Variants in KCTD8 observed in about 807,000 individuals in gnomAD.
The protein encoded by KCTD8 is BTB/POZ domain-containing protein KCTD8.
Under a neutral mutation model 31.5 loss-of-function variants are expected in KCTD8, and 27 were observed. The ratio of observed to expected loss-of-function variants is 0.86; its 90% CI spans 0.63 to 1.18. The LOEUF (loss-of-function observed/expected upper bound fraction) is 1.18. KCTD8 is among the 50% of genes most tolerant of loss of function. The probability of loss-of-function intolerance (pLI) is 0.00; values close to 1 mark genes in which losing one functional copy is unlikely to be tolerated. For synonymous variants in KCTD8, 290 were observed against 280.0 expected (o/e 1.04, Z -0.36); for missense variants, 658 against 647.7 (o/e 1.02, Z -0.17).
At chr4:44,446,250 A>T (rs1721935836) in intron 1 of KCTD8, among the ~76,000 whole-genome samples, 1 of 152,178 alleles carries the variant, frequency 6.6e-6, no homozygotes. Context: ...TCCAGTCAAA[A>T]TAAAGTCCAG....
intron 1 of KCTD8, among the ~76,000 whole-genome samples, chr4:44,271,810 C>G (rs1306715031): frequency 1.3e-5 from 2 of 152,048 alleles, no homozygotes; most frequent in African/African-American, 4.8e-5. Context: ...CAATGTTTAT[C>G]ACTGGCTTGC....
chr4:44,339,139 T>C (rs1234515370), intron 1 of KCTD8, among the ~76,000 whole-genome samples: 1 of 152,190 alleles, frequency 6.6e-6, no homozygotes, highest in Non-Finnish European at 1.5e-5. Context: ...AAATTGTAAA[T>C]ATATTAACAG....
At chr4:44,442,774 T>TACACACGTATACACACACACACACAC (rs10938342) in intron 1 of KCTD8, among the ~76,000 whole-genome samples, 1 of 147,234 alleles carries the variant, frequency 6.8e-6, no homozygotes, top group South Asian at 2.2e-4. Context: ...AACTAAGGTA[T>TACACACGTATACACACACACACACAC]ACACACACAC....
At chr4:44,278,305 C>T (rs1489151669) in intron 1 of KCTD8, among the ~76,000 whole-genome samples, 1 of 151,932 alleles carries the variant, frequency 6.6e-6, no homozygotes, top group Non-Finnish European at 1.5e-5. Context: ...CACAATATGT[C>T]CCCAATAGAT....
chr4:44,261,264 T>C (rs191709874), intron 1 of KCTD8, among the ~76,000 whole-genome samples: 77 of 152,002 alleles, frequency 5.1e-4, no homozygotes, highest in Non-Finnish European at 9.7e-4. Flanking sequence ...CTTGGATGCA[T>C]TAAGTGTTAA....
chr4:44,383,405 A>C (rs534902858), intron 1 of KCTD8, among the ~76,000 whole-genome samples: 1 of 152,158 alleles, frequency 6.6e-6, no homozygotes, highest in South Asian at 2.1e-4. Context: ...ATCACACCTG[A>C]CTTGAAAATA....
At chr4:44,244,159 T>A (rs1208690009) in intron 1 of KCTD8, among the ~76,000 whole-genome samples, 1 of 152,238 alleles carries the variant, frequency 6.6e-6, no homozygotes, top group Admixed American at 6.5e-5. Context: ...CGAGGAGACA[T>A]TAACCAAATC....
chr4:44,337,838 T>C (rs1230711977), intron 1 of KCTD8, among the ~76,000 whole-genome samples: 2 of 151,922 alleles, frequency 1.3e-5, no homozygotes, highest in Admixed American at 1.3e-4. Context: ...TAAAATTATA[T>C]ATCCTGGTCA....
At chr4:44,293,847 CA>C (rs1485664144) in intron 1 of KCTD8, 34 of 445,214 alleles carry the variant, frequency 7.6e-5, no homozygotes, top group Non-Finnish European at 1.2e-4. Context: ...GAAAGCCAAT[CA>C]AAAAAAGGAT....
chr4:44,380,804 CT>C (rs1298907180), intron 1 of KCTD8, among the ~76,000 whole-genome samples: 19 of 151,846 alleles, frequency 1.3e-4, no homozygotes, highest in South Asian at 2.1e-4. Context: ...CATCATGTAT[CT>C]TTTTATAATT....
intron 1 of KCTD8, among the ~76,000 whole-genome samples, chr4:44,254,061 G>T (rs576523557): frequency 6.6e-6 from 1 of 151,926 alleles, no homozygotes; most frequent in African/African-American, 2.4e-5. Context: ...GCAACCATAA[G>T]GAAAATAGAA....
chr4:44,300,977 T>C (rs1268276739), intron 1 of KCTD8, among the ~76,000 whole-genome samples: 1 of 139,772 alleles, frequency 7.2e-6, no homozygotes, highest in Admixed American at 7.4e-5. Flanking sequence ...TTTGGTTTTT[T>C]GTCCTTGCGA....
chr4:44,365,912 T>C (rs920480948), intron 1 of KCTD8, among the ~76,000 whole-genome samples: 1 of 152,120 alleles, frequency 6.6e-6, no homozygotes, highest in African/African-American at 2.4e-5. Flanking sequence ...TGGTCACACA[T>C]TACAGTGGAT....
At chr4:44,375,500 T>A (rs1452179882) in intron 1 of KCTD8, among the ~76,000 whole-genome samples, 3 of 152,162 alleles carry the variant, frequency 2.0e-5, no homozygotes, top group African/African-American at 7.2e-5. Flanking sequence ...TCTCTGTTCC[T>A]GGTTTCTCAC....
At chr4:44,443,795 C>T (rs1721869283) in intron 1 of KCTD8, among the ~76,000 whole-genome samples, 1 of 152,024 alleles carries the variant, frequency 6.6e-6, no homozygotes, top group African/African-American at 2.4e-5. Context: ...TAGTTTTTAT[C>T]TAATGATAAT....
intron 1 of KCTD8, among the ~76,000 whole-genome samples, chr4:44,292,948 C>T (rs924114290): frequency 2.0e-5 from 3 of 152,072 alleles, no homozygotes; most frequent in African/African-American, 4.8e-5. Flanking sequence ...TATTTTTCTA[C>T]ACCCCCTATT....
At chr4:44,201,830 A>C (rs1168413292) in intron 1 of KCTD8, among the ~76,000 whole-genome samples, 2 of 152,186 alleles carry the variant, frequency 1.3e-5, no homozygotes, top group Non-Finnish European at 2.9e-5. Flanking sequence ...TTGCACAGAA[A>C]AAGTAACTAT....
At chr4:44,338,313 G>C (rs1371254729) in intron 1 of KCTD8, among the ~76,000 whole-genome samples, 1 of 151,974 alleles carries the variant, frequency 6.6e-6, no homozygotes, top group Admixed American at 6.6e-5. Flanking sequence ...TTACTGTTTT[G>C]TAAAATCCAT....
At position 44,179,668 on chromosome 4, in the gene KCTD8, AT is replaced by A. The variant is rs201596173; in HGVS notation, c.962-4419del. On this transcript the variant is annotated intron_variant, in intron 1 of 1. Transcript: ENST00000360029. ...GAATGCTTGGCTTTATTTTGTGTAC[AT>A]CTTTGAAAGAATAGAATAATATGAC... Among the ~76,000 whole-genome samples, 1,467 of 151,662 alleles carry A rather than the reference AT, an allele frequency of 9.7e-3. 12 individuals are homozygous for A. The highest frequency in any genetic ancestry group is 0.017 in the Middle Eastern group (5 of 294).
Sources: allele counts gnomAD v4.1 joint callset (sites outside exome capture counted in the v4.1 genomes callset), GRCh38; gene constraint gnomAD v4.1.1; transcripts MANE v1.5; gene names NCBI Gene and HGNC (gene_info 2026-07-23, HGNC 2026-07-21).